The following DTNA variants were observed in gnomAD, a reference collection of about 807,000 sequenced individuals.
DTNA encodes dystrophin-related protein 3.
Under a neutral mutation model 100.7 loss-of-function variants are expected in DTNA, and 43 were observed. The observed-to-expected ratio is 0.43, with a 90% confidence interval of 0.33 to 0.55. The LOEUF is 0.55. Among genes scored for constraint, DTNA ranks in the 20% least tolerant of loss-of-function variants. DTNA has a pLI of 0.04. For synonymous variants in DTNA, 349 were observed against 347.9 expected (o/e 1.00, Z -0.04); for missense variants, 798 against 953.9 (o/e 0.84, Z 2.15).
At chr18:34,595,914 G>T (rs185448911) in intron 1 of DTNA, among the ~76,000 whole-genome samples, 2 of 152,254 alleles carry the variant, frequency 1.3e-5, no homozygotes, top group East Asian at 3.9e-4. Context: ...TCAGTGAGAG[G>T]AATGGTAGGT....
chr18:34,539,778 G>A (rs1182727128), intron 1 of DTNA, among the ~76,000 whole-genome samples: 1 of 151,876 alleles, frequency 6.6e-6, no homozygotes, highest in Non-Finnish European at 1.5e-5. Context: ...AAAGAAAGAA[G>A]TCCATGAATT....
chr18:34,629,088 T>C (rs1410744879), intron 1 of DTNA, among the ~76,000 whole-genome samples: 1 of 152,204 alleles, frequency 6.6e-6, no homozygotes, highest in Non-Finnish European at 1.5e-5. Flanking sequence ...ATAAATATTT[T>C]AACAATTAGA....
intron 19 of DTNA, among the ~76,000 whole-genome samples, chr18:34,879,146 A>G (rs1389527711): frequency 6.6e-6 from 1 of 152,222 alleles, no homozygotes; most frequent in Non-Finnish European, 1.5e-5. Flanking sequence ...TTAATATTTT[A>G]AGTTCATATT....
intron 3 of DTNA, among the ~76,000 whole-genome samples, chr18:34,773,394 G>C (rs1405986540): frequency 6.6e-6 from 1 of 152,144 alleles, no homozygotes; most frequent in African/African-American, 2.4e-5. Flanking sequence ...AAGAGAAATC[G>C]AACCAGAGAA....
chr18:34,729,208 A>T (rs2147247277), intron 1 of DTNA, among the ~76,000 whole-genome samples: 1 of 152,364 alleles, frequency 6.6e-6, no homozygotes, highest in East Asian at 1.9e-4. Context: ...TATTATGTGC[A>T]CTTTCAAATA....
At chr18:34,573,091 C>G (rs912748484) in intron 1 of DTNA, among the ~76,000 whole-genome samples, 2 of 152,152 alleles carry the variant, frequency 1.3e-5, no homozygotes, top group African/African-American at 4.8e-5. Flanking sequence ...AACATGGGTT[C>G]CTTCCCTTTT....
At chr18:34,778,886 C>T (rs2094186115) in intron 3 of DTNA, among the ~76,000 whole-genome samples, 1 of 151,998 alleles carries the variant, frequency 6.6e-6, no homozygotes, top group African/African-American at 2.4e-5. Context: ...GGCGTGATCT[C>T]GGCTCACTGC....
At chr18:34,741,133 A>G (rs2090575253) in intron 1 of DTNA, among the ~76,000 whole-genome samples, 2 of 152,216 alleles carry the variant, frequency 1.3e-5, no homozygotes, top group South Asian at 4.1e-4. Flanking sequence ...TAAGAATAAC[A>G]TAACATAATA....
intron 20 of DTNA, among the ~76,000 whole-genome samples, chr18:34,880,939 G>T (rs1047051785): frequency 6.6e-6 from 1 of 152,082 alleles, no homozygotes; most frequent in Non-Finnish European, 1.5e-5. Context: ...TTATTATTAA[G>T]CATTTATATG....
chr18:34,808,196 G>A (rs1334615800), intron 5 of DTNA, among the ~76,000 whole-genome samples: 2 of 152,182 alleles, frequency 1.3e-5, no homozygotes, highest in East Asian at 3.8e-4. Flanking sequence ...CAGAACGTCT[G>A]TCAACCTTTA....
intron 1 of DTNA, among the ~76,000 whole-genome samples, chr18:34,606,287 T>C (rs1428974168): frequency 6.6e-6 from 1 of 152,220 alleles, no homozygotes; most frequent in East Asian, 1.9e-4. Context: ...ATAAAGTCTA[T>C]GTTGTCTCTT....
intron 1 of DTNA, among the ~76,000 whole-genome samples, chr18:34,533,133 G>A (rs1041343868): frequency 2.6e-5 from 4 of 151,984 alleles, no homozygotes; most frequent in African/African-American, 9.7e-5. Context: ...CACTTTGGGA[G>A]GCTGAGGCGG....
chr18:34,868,639 T>C, intron 17 of DTNA: 8 of 985,468 alleles, frequency 8.1e-6, no homozygotes, highest in Non-Finnish European at 9.6e-6. Flanking sequence ...TGGTTCAATG[T>C]AGTGTTTTAT....
chr18:34,871,723 A>C (rs1027784701), intron 17 of DTNA, among the ~76,000 whole-genome samples: 7 of 152,226 alleles, frequency 4.6e-5, no homozygotes, highest in African/African-American at 1.7e-4. Context: ...CAAGAACAGA[A>C]CAGAAAGGAA....
At chr18:34,683,957 G>A (rs967695813) in intron 1 of DTNA, among the ~76,000 whole-genome samples, 4 of 152,080 alleles carry the variant, frequency 2.6e-5, no homozygotes, top group African/African-American at 4.8e-5. Context: ...CAAACATTCA[G>A]CATTGGAAGT....
intron 1 of DTNA, among the ~76,000 whole-genome samples, chr18:34,579,820 T>C (rs2048448058): frequency 6.6e-6 from 1 of 152,162 alleles, no homozygotes; most frequent in Non-Finnish European, 1.5e-5. Context: ...TGCTTGGGTT[T>C]TACTTAACTT....
intron 1 of DTNA, among the ~76,000 whole-genome samples, chr18:34,734,050 A>ACTT (rs2088969079): frequency 6.6e-6 from 1 of 152,002 alleles, no homozygotes; most frequent in African/African-American, 2.4e-5. Context: ...AAATTGAAGA[A>ACTT]CTCAAGCAGT....
At chr18:34,710,760 A>G (rs1027456657) in intron 1 of DTNA, among the ~76,000 whole-genome samples, 5 of 152,068 alleles carry the variant, frequency 3.3e-5, no homozygotes, top group African/African-American at 1.2e-4. Context: ...GGTGTCTTCA[A>G]ATCAGCGTAG....
At chr18:34,665,292 G>A (rs1399144321) in intron 1 of DTNA, among the ~76,000 whole-genome samples, 1 of 152,020 alleles carries the variant, frequency 6.6e-6, no homozygotes, top group Admixed American at 6.6e-5. Flanking sequence ...AAAATATTAA[G>A]AATCTGATTT....
Sources: gnomAD v4.1 joint callset for allele counts (sites outside exome capture counted in the v4.1 genomes callset) on GRCh38, gnomAD v4.1.1 for gene constraint, MANE v1.5 for transcripts, NCBI Gene and HGNC (gene_info 2026-07-23, HGNC 2026-07-21) for gene names.